CXCL14: variants seen among roughly 807,000 people sequenced by gnomAD.
CXCL14 encodes C-X-C motif chemokine ligand 14, also known as C-X-C motif chemokine 14.
CXCL14 carries 9 observed loss-of-function variants against 16.1 expected under a neutral mutation model. The observed-to-expected ratio is 0.56, with a 90% CI of 0.34 to 0.97. The LOEUF (loss-of-function observed/expected upper bound fraction) is 0.97, where lower values mean the gene tolerates loss of function less well. CXCL14 is among the 50% of genes least tolerant of loss of function. The pLI, the probability that CXCL14 is intolerant of heterozygous loss-of-function variation, is 0.02. For missense variants in CXCL14, 111 were observed against 132.5 expected (o/e 0.84, Z 0.80); for synonymous variants, 55 against 52.8 (o/e 1.04, Z -0.18).
chr5:135,572,508 C>T (rs73300409), intron 3 of CXCL14, among the ~76,000 whole-genome samples: 3 of 152,234 alleles, frequency 2.0e-5, no homozygotes, highest in Admixed American at 2.0e-4. Context: ...CATCTCTACT[C>T]GTTCCCAGCC....
At chr5:135,574,107 T>C (rs533375387) in intron 3 of CXCL14, among the ~76,000 whole-genome samples, 169 of 152,180 alleles carry the variant, frequency 1.1e-3, no homozygotes, top group Non-Finnish European at 2.1e-3. Context: ...AGAAAACATG[T>C]TTCTGGCAAG....
rs1554113188 is a variant in CXCL14 at position 135,573,741 on chromosome 5, T to TGC, written c.284+829_284+830dup. On this transcript the variant is annotated intron_variant, in intron 3 of 3. Transcript: ENST00000512158. Reference sequence around the variant, plus strand: ...GTGTGTGTGTGTGTGTGTGTGTGTGTGCTTCCTGATCATGCTATGCAGGCA... The same window carrying TGC: ...GTGTGTGTGTGTGTGTGTGTGTGTGTGCGCTTCCTGATCATGCTATGCAGGCA... 9.3e-4 allele frequency among the ~76,000 whole-genome samples: 140 copies of TGC among 150,400 alleles called. 3 individuals carry two copies. Among genetic ancestry groups the TGC allele is most frequent in the African/African-American group, 3.0e-3 (123 of 40,848 alleles).
At position 135,578,952 on chromosome 5, in the gene CXCL14, C is replaced by CGTGCGCTGCGCT; in HGVS notation, c.-186_-175dup. ...GTGGATGCCCAGGGCTGTCTGTGGC[C>CGTGCGCTGCGCT]GTGCGCTGCGCTCTGCGCTTGTCTC... On this transcript the variant is annotated 5_prime_UTR_variant, in exon 1 of 4. Coordinates refer to ENST00000512158, the MANE Select transcript of CXCL14 (RefSeq NM_004887.5). The CGTGCGCTGCGCT allele has an allele frequency of 1.6e-6, 1 of 635,846 alleles. No homozygotes were observed. The highest frequency in any genetic ancestry group is 2.5e-6 in the Non-Finnish European group (1 of 400,624). 39.4% of individuals were successfully genotyped at this position (635,846 alleles called of 1,614,324 possible).
rs1039053759 is a variant in CXCL14 at position 135,578,932 on chromosome 5, T to C, written c.-154A>G. The C allele has an allele frequency of 2.8e-5, 21 of 759,690 alleles. No homozygotes were observed. The highest frequency in any genetic ancestry group is 3.6e-5 in the Non-Finnish European group (18 of 506,414). 47.1% of individuals were successfully genotyped at this position (759,690 alleles called of 1,614,324 possible). On this transcript the variant is annotated 5_prime_UTR_variant, in exon 1 of 4. Transcript: ENST00000512158. Reference sequence around the variant, plus strand: ...TGGCTCCGGCTGCGCCGTCGGTGGATGCCCAGGGCTGTCTGTGGCCGTGCG... The same window carrying C: ...TGGCTCCGGCTGCGCCGTCGGTGGACGCCCAGGGCTGTCTGTGGCCGTGCG...
At chr5:135,576,450 G>C (rs1751100306) in intron 2 of CXCL14, among the ~76,000 whole-genome samples, 1 of 152,226 alleles carries the variant, frequency 6.6e-6, no homozygotes, top group Non-Finnish European at 1.5e-5. Context: ...CAGGAAGGGA[G>C]AGCAGGAAGG....
intron 3 of CXCL14, among the ~76,000 whole-genome samples, chr5:135,573,028 T>C (rs747216825): frequency 5.3e-5 from 8 of 149,896 alleles, no homozygotes; most frequent in Non-Finnish European, 1.0e-4. Flanking sequence ...GCTTTTGTTA[T>C]TGGAATTTTC....
At chr5:135,573,227 G>A (rs1208346995) in intron 3 of CXCL14, among the ~76,000 whole-genome samples, 2 of 152,210 alleles carry the variant, frequency 1.3e-5, no homozygotes, top group Non-Finnish European at 2.9e-5. Flanking sequence ...GATGACACAG[G>A]GCCTGGAGGG....
chr5:135,573,936 A>G (rs1751060437), intron 3 of CXCL14, among the ~76,000 whole-genome samples: 1 of 152,158 alleles, frequency 6.6e-6, no homozygotes, highest in Non-Finnish European at 1.5e-5. Flanking sequence ...CCCAGTAAGT[A>G]CAGGGCTGGT....
chr5:135,573,696 G>A (rs1751056515), intron 3 of CXCL14, among the ~76,000 whole-genome samples: 1 of 149,894 alleles, frequency 6.7e-6, no homozygotes, highest in African/African-American at 2.5e-5. Flanking sequence ...CCTGCATGGT[G>A]TGTGCATGCA....
chr5:135,573,004 G>A (rs144136348), intron 3 of CXCL14, among the ~76,000 whole-genome samples: 1 of 152,246 alleles, frequency 6.6e-6, no homozygotes, highest in East Asian at 1.9e-4. Context: ...GCCTGGTAGT[G>A]AGAGGCTCTC....
At position 135,574,648 on chromosome 5, in the gene CXCL14, C is replaced by T. The variant is rs1370485344; in HGVS notation, c.208G>A (p.Glu70Lys). The T allele has an allele frequency of 3.1e-6, 5 of 1,613,860 alleles. No homozygotes were observed. The highest frequency in any genetic ancestry group is 4.2e-6 in the Non-Finnish European group (5 of 1,179,976). ...TGCAGCTTGGGGTGCAGGCAGTGCT[C>T]CTGACCTCGGTACCTGGACACGCTC... is the stretch of plus-strand genomic sequence containing the variant. ...TKSVSRYRGQEHCLHPKLQST... is the reference protein window; with the variant it reads ...TKSVSRYRGQKHCLHPKLQST... The change falls in exon 3 of 4, where the codon GAG becomes AAG. Residue 70 changes from glutamate to lysine, a missense_variant. Physicochemically the swap from Glu to Lys is moderately conservative, Grantham distance 56. Transcript: ENST00000512158.
At position 135,578,949 on chromosome 5, in the gene CXCL14, G is replaced by A. The variant is rs1561742710; in HGVS notation, c.-171C>T. The A allele has an allele frequency of 4.6e-6, 3 of 655,780 alleles. No homozygotes were observed. The allele number at this position is 655,780 out of a possible 1,614,324, so 40.6% of individuals were successfully genotyped here. ...TCGGTGGATGCCCAGGGCTGTCTGT[G>A]GCCGTGCGCTGCGCTCTGCGCTTGT... On this transcript the variant is annotated 5_prime_UTR_variant, in exon 1 of 4. Transcript: ENST00000512158.
intron 3 of CXCL14, among the ~76,000 whole-genome samples, chr5:135,572,536 C>G (rs149470628): frequency 1.3e-5 from 2 of 152,218 alleles, no homozygotes; most frequent in Non-Finnish European, 2.9e-5. Context: ...CCCCTCACCT[C>G]TCAAGCTGTG....
intron 3 of CXCL14, 66 bp downstream of exon 3, chr5:135,574,506 C>G (rs903399059): frequency 8.9e-5 from 117 of 1,318,348 alleles, no homozygotes; most frequent in Middle Eastern, 2.5e-4. Flanking sequence ...GTGGGGGGGT[C>G]CCTTCCCATC....
intron 3 of CXCL14, among the ~76,000 whole-genome samples, chr5:135,572,081 CCATCTGCAATCTCA>C (rs1458569049): frequency 6.6e-6 from 1 of 152,168 alleles, no homozygotes; most frequent in African/African-American, 2.4e-5. Flanking sequence ...TCTTTTCTAA[CCATCTGCAATCTCA>C]CTTCTGCAAT....
intron 3 of CXCL14, among the ~76,000 whole-genome samples, chr5:135,573,978 C>G (rs1275217509): frequency 6.6e-6 from 1 of 152,166 alleles, no homozygotes; most frequent in Non-Finnish European, 1.5e-5. Flanking sequence ...CACTGCTGCC[C>G]GCCTTGGTTA....
At position 135,571,683 on chromosome 5, in the gene CXCL14, G is replaced by T; in HGVS notation, c.*170C>A. 1.6e-6 allele frequency: 1 copy of T among 630,936 alleles called. No individual in the cohort carries two copies. The highest frequency in any genetic ancestry group is 2.5e-6 in the Non-Finnish European group (1 of 400,888). 39.1% of individuals were successfully genotyped at this position (630,936 alleles called of 1,614,324 possible). On this transcript the variant is annotated 3_prime_UTR_variant, in exon 4 of 4. Transcript: ENST00000512158. ...CTATAAAATGTAAAAACTGACCGTT[G>T]GTAAAAAGTGCTTCATAACAATATA...
At position 135,578,470 on chromosome 5, in the gene CXCL14, T is replaced by C. The variant is rs753501987; in HGVS notation, c.134A>G (p.Lys45Arg). 14 of 1,614,080 alleles carry C rather than the reference T, an allele frequency of 8.7e-6. No homozygotes were observed. Among genetic ancestry groups the C allele is most frequent in the Non-Finnish European group, 1.2e-5 (14 of 1,180,028 alleles). The part of the protein sequence containing the change: ...RYSDVKKLEM[K>R]PKYPHCEEKM... Reference sequence around the variant, plus strand: ...CTCCTCGCAGTGCGGGTACTTTGGCTTCATTTCCAGCTTCTTCACGTCGCT... The same window carrying C: ...CTCCTCGCAGTGCGGGTACTTTGGCCTCATTTCCAGCTTCTTCACGTCGCT... The change falls in exon 2 of 4, where the codon AAG becomes AGG. Residue 45 changes from lysine to arginine, a missense_variant. Physicochemically the swap from Lys to Arg is conservative, Grantham distance 26. Transcript: ENST00000512158.
rs1189943461 is a variant in CXCL14 at position 135,578,514 on chromosome 5, C to T, written c.90G>A (p.Lys30=). The T allele has an allele frequency of 2.5e-6, 4 of 1,614,092 alleles. No individual in the cohort carries two copies. The Admixed American group carries it at 5.0e-5, about 20-fold the overall frequency. Residue 30 remains lysine (K), a synonymous_variant, in exon 2 of 4, where the codon AAG becomes AAA. Transcript: ENST00000512158. ...CGTCGCTGTAGCGGATCTTGGGTCC[C>T]TTCCGGGAGCACTTGCATTTGGACC... The part of the protein sequence containing the change: ...VDGSKCKCSR[K]GPKIRYSDVK...
Sources: allele counts gnomAD v4.1 joint callset (sites outside exome capture counted in the v4.1 genomes callset), GRCh38; gene constraint gnomAD v4.1.1; transcripts MANE v1.5; gene names NCBI Gene and HGNC (gene_info 2026-07-23, HGNC 2026-07-21).